Variants in ST7 observed in about 807,000 individuals in gnomAD.
ST7 encodes suppression of tumorigenicity 7.
Under a neutral mutation model 78.7 loss-of-function variants are expected in ST7, and 28 were observed. The observed-to-expected ratio is 0.36, with a 90% CI of 0.26 to 0.49. The LOEUF (loss-of-function observed/expected upper bound fraction) is 0.49, where lower values mean the gene tolerates loss of function less well. Ranked by LOEUF, ST7 falls within the 20% of genes least tolerant of loss-of-function variation. ST7 has a pLI of 0.99. For synonymous variants in ST7, 247 were observed against 249.6 expected (o/e 0.99, Z 0.10); for missense variants, 418 against 696.0 (o/e 0.60, Z 4.49).
chr7:117,174,002 C>T (rs1808186870), intron 10 of ST7, among the ~76,000 whole-genome samples: 1 of 152,080 alleles, frequency 6.6e-6, no homozygotes, highest in Non-Finnish European at 1.5e-5. Flanking sequence ...TTCTTCACCA[C>T]CTTAAAAAAA....
At chr7:116,956,497 T>G in intron 1 of ST7, 1 of 471,162 alleles carries the variant, frequency 2.1e-6, no homozygotes, top group Non-Finnish European at 4.4e-6. Flanking sequence ...GAGCTGCTTT[T>G]AGGGAGTTGC....
chr7:116,979,795 C>T (rs562489232), intron 1 of ST7, among the ~76,000 whole-genome samples: 1 of 152,142 alleles, frequency 6.6e-6, no homozygotes, highest in South Asian at 2.1e-4. Context: ...GACACCTAAA[C>T]CTAATATCCT....
chr7:116,974,678 CA>C (rs1228212353), intron 1 of ST7, among the ~76,000 whole-genome samples: 1 of 152,152 alleles, frequency 6.6e-6, no homozygotes, highest in Non-Finnish European at 1.5e-5. Flanking sequence ...CAAAGTAACA[CA>C]CTTGTATCAT....
At chr7:117,104,807 A>G (rs939967099) in intron 2 of ST7, among the ~76,000 whole-genome samples, 1 of 152,220 alleles carries the variant, frequency 6.6e-6, no homozygotes, top group Non-Finnish European at 1.5e-5. Flanking sequence ...TGAAAGGTTG[A>G]CAGAAAAATT....
At chr7:117,027,959 G>C (rs1197014981) in intron 1 of ST7, among the ~76,000 whole-genome samples, 1 of 152,190 alleles carries the variant, frequency 6.6e-6, no homozygotes, top group Non-Finnish European at 1.5e-5. Flanking sequence ...GTGTGGGCTT[G>C]TAGGGTGTTA....
intron 1 of ST7, among the ~76,000 whole-genome samples, chr7:117,011,372 G>A (rs1294536162): frequency 6.6e-6 from 1 of 152,134 alleles, no homozygotes; most frequent in Admixed American, 6.5e-5. Flanking sequence ...GGCTAGAAAA[G>A]GAGTAGGTAT....
At chr7:116,996,020 C>T (rs1164735187) in intron 1 of ST7, among the ~76,000 whole-genome samples, 5 of 151,844 alleles carry the variant, frequency 3.3e-5, no homozygotes, top group Non-Finnish European at 7.4e-5. Flanking sequence ...CTTCTTACCT[C>T]CATAACAAAC....
chr7:117,138,646 A>G (rs1185697367), intron 9 of ST7, 114 bp downstream of exon 9: 1 of 696,994 alleles, frequency 1.4e-6, no homozygotes, highest in Non-Finnish European at 2.4e-6. Context: ...CTGGAGCCAG[A>G]CTGTGTGGGG....
At chr7:116,990,518 A>G (rs1053944758) in intron 1 of ST7, among the ~76,000 whole-genome samples, 2 of 152,202 alleles carry the variant, frequency 1.3e-5, no homozygotes, top group Non-Finnish European at 1.5e-5. Flanking sequence ...TTCCACTGAA[A>G]AAAATAAAAG....
intron 1 of ST7, among the ~76,000 whole-genome samples, chr7:116,991,587 C>T (rs1247635157): frequency 1.3e-5 from 2 of 152,116 alleles, no homozygotes; most frequent in African/African-American, 2.4e-5. Flanking sequence ...TGACACCCTC[C>T]CACAACACGT....
intron 9 of ST7, among the ~76,000 whole-genome samples, chr7:117,158,166 T>C (rs963203795): frequency 1.3e-5 from 2 of 152,190 alleles, no homozygotes; most frequent in Non-Finnish European, 2.9e-5. Flanking sequence ...AGGTAAAGAA[T>C]TGTCACTGAG....
At chr7:117,097,908 A>ATATATATATATATATATATATTTTTTTT in intron 1 of ST7, among the ~76,000 whole-genome samples, 1 of 30,020 alleles carries the variant, frequency 3.3e-5, no homozygotes, top group Non-Finnish European at 5.4e-5. Context: ...ATATATATAT[A>ATATATATATATATATATATATTTTTTTT]TTTTTTTTTT....
At chr7:116,961,168 T>C (rs1259328783) in intron 1 of ST7, among the ~76,000 whole-genome samples, 1 of 152,216 alleles carries the variant, frequency 6.6e-6, no homozygotes, top group Non-Finnish European at 1.5e-5. Flanking sequence ...CATTGGTCTA[T>C]GTGTCTGTTT....
chr7:117,026,678 G>T (rs1188754597), intron 1 of ST7, among the ~76,000 whole-genome samples: 1 of 152,150 alleles, frequency 6.6e-6, no homozygotes, highest in African/African-American at 2.4e-5. Flanking sequence ...TACTACCAGG[G>T]TTTAACCATC....
intron 1 of ST7, among the ~76,000 whole-genome samples, chr7:117,016,454 T>C (rs987317898): frequency 3.9e-5 from 6 of 152,214 alleles, no homozygotes; most frequent in African/African-American, 1.4e-4. Context: ...CATTGAAGAA[T>C]TCTTTCATTT....
At chr7:116,981,849 T>A (rs1165372088) in intron 1 of ST7, among the ~76,000 whole-genome samples, 1 of 152,232 alleles carries the variant, frequency 6.6e-6, no homozygotes, top group East Asian at 1.9e-4. Context: ...TGTACATAAT[T>A]ATATGTGCTA....
intron 1 of ST7, among the ~76,000 whole-genome samples, chr7:117,059,809 A>C (rs1798256458): frequency 1.4e-5 from 2 of 143,852 alleles, no homozygotes; most frequent in Admixed American, 7.0e-5. Context: ...CATCTCTGCA[A>C]AAAAAAAAAA....
At chr7:117,132,613 G>A (rs1168593433) in intron 6 of ST7, among the ~76,000 whole-genome samples, 7 of 151,450 alleles carry the variant, frequency 4.6e-5, no homozygotes, top group African/African-American at 1.7e-4. Flanking sequence ...TTGCCAAGTG[G>A]TCATTGTTAA....
intron 1 of ST7, among the ~76,000 whole-genome samples, chr7:117,002,450 A>T (rs1346089605): frequency 2.0e-5 from 3 of 152,048 alleles, no homozygotes; most frequent in Non-Finnish European, 4.4e-5. Context: ...ACTGGAGATG[A>T]ACTAAGACCC....
Sources: gnomAD v4.1 joint callset for allele counts (sites outside exome capture counted in the v4.1 genomes callset) on GRCh38, gnomAD v4.1.1 for gene constraint, MANE v1.5 for transcripts, NCBI Gene and HGNC (gene_info 2026-07-23, HGNC 2026-07-21) for gene names.